FUBP1: variants seen among roughly 807,000 people sequenced by gnomAD.
FUBP1 encodes the protein far upstream element-binding protein 1.
Under a neutral mutation model 94.9 loss-of-function variants are expected in FUBP1, and 16 were observed. That is an observed-to-expected ratio of 0.17 (90% CI 0.11 to 0.26). FUBP1 has a LOEUF of 0.26. Ranked by LOEUF, FUBP1 falls within the 10% of genes least tolerant of loss-of-function variation. The probability of loss-of-function intolerance (pLI) is 1.00; values close to 1 mark genes in which losing one functional copy is unlikely to be tolerated. For synonymous variants in FUBP1, 279 were observed against 254.9 expected, an observed-to-expected ratio of 1.09 and a Z score of -0.90; for missense variants, 583 against 808.6, an observed-to-expected ratio of 0.72 and a Z score of 3.38.
chr1:77,963,508 C>T, intron 13 of FUBP1, 66 bp downstream of exon 13: 1 of 899,904 alleles, frequency 1.1e-6, no homozygotes, highest in Non-Finnish European at 1.7e-6. Context: ...TTGTTTACGA[C>T]AGCAACAGAA....
chr1:77,947,955 A>T lies in FUBP1; in HGVS notation c.*811T>A. ...CACATGGAAAAAAACTGTTCTTATT[A>T]GACTACTCATATTCACTATCTGAAA... On this transcript the variant is annotated 3_prime_UTR_variant, in exon 20 of 20. Transcript: ENST00000370768. 9.9e-7 allele frequency: 1 copy of T among 1,009,444 alleles called. No individual in the cohort carries two copies. Among genetic ancestry groups the T allele is most frequent in the Non-Finnish European group, 1.2e-6 (1 of 825,488 alleles). The allele number at this position is 1,009,444 out of a possible 1,614,324, so 62.5% of individuals were successfully genotyped here. A position where few individuals can be genotyped will look rare whatever the true frequency, so the allele number is the denominator to read the frequency against.
intron 16 of FUBP1, among the ~76,000 whole-genome samples, chr1:77,957,565 T>C (rs1654696389): frequency 6.6e-6 from 1 of 152,240 alleles, no homozygotes; most frequent in South Asian, 2.1e-4. Context: ...GATTGTCTTT[T>C]ATACTAGGAA....
At chr1:77,971,692 G>C (rs1160959487) in intron 1 of FUBP1, among the ~76,000 whole-genome samples, 1 of 149,408 alleles carries the variant, frequency 6.7e-6, no homozygotes, top group East Asian at 1.9e-4. Context: ...TCAAGTACTA[G>C]ATTGCTTGAT....
intron 1 of FUBP1, among the ~76,000 whole-genome samples, chr1:77,974,645 A>C (rs1013354070): frequency 6.6e-6 from 1 of 152,152 alleles, no homozygotes; most frequent in African/African-American, 2.4e-5. Context: ...GTCTTGCACT[A>C]ATTTATTATT....
chr1:77,960,074 A>G (rs1457203927), intron 16 of FUBP1, 110 bp downstream of exon 16: 2 of 760,122 alleles, frequency 2.6e-6, no homozygotes, highest in African/African-American at 3.5e-5. Flanking sequence ...TGAAAGAGTA[A>G]AGTGAGTGAA....
At chr1:77,966,009 T>A (rs1445126608) in intron 7 of FUBP1, among the ~76,000 whole-genome samples, 2 of 152,122 alleles carry the variant, frequency 1.3e-5, no homozygotes, top group African/African-American at 4.8e-5. Flanking sequence ...GAGCGAGACT[T>A]CGTCTCAAAA....
chr1:77,956,556 T>G lies in FUBP1; in HGVS notation c.1705+16A>C. On this transcript the variant is annotated intron_variant, in intron 17 of 19. Transcript: ENST00000370768. ...CACAACTTTTGGCTTTCACATACAATAAGTTCTGTAGTTACCTTGTCCATT... is the reference window on the plus strand; with the variant it reads ...CACAACTTTTGGCTTTCACATACAAGAAGTTCTGTAGTTACCTTGTCCATT... The G allele has an allele frequency of 6.2e-7, 1 of 1,602,432 alleles. No individual in the cohort carries two copies. Among genetic ancestry groups the G allele is most frequent in the Non-Finnish European group, 8.5e-7 (1 of 1,171,170 alleles).
At chr1:77,973,917 AT>A (rs908748755) in intron 1 of FUBP1, among the ~76,000 whole-genome samples, 2 of 151,838 alleles carry the variant, frequency 1.3e-5, no homozygotes, top group Admixed American at 1.3e-4. Context: ...GTTCTATTTT[AT>A]TTTTTTAATT....
intron 1 of FUBP1, among the ~76,000 whole-genome samples, chr1:77,972,986 C>T (rs951046365): frequency 1.2e-4 from 17 of 146,924 alleles, no homozygotes; most frequent in African/African-American, 4.0e-4. Context: ...AGGAGTTCAA[C>T]GCTAATACAG....
At chr1:77,952,016 C>G (rs940154932) in intron 18 of FUBP1, among the ~76,000 whole-genome samples, 1 of 152,046 alleles carries the variant, frequency 6.6e-6, no homozygotes, top group African/African-American at 2.4e-5. Flanking sequence ...ATTTTGAAAC[C>G]CTGTTTGTTC....
At chr1:77,949,479 G>GT (rs554070596) in intron 18 of FUBP1, among the ~76,000 whole-genome samples, 179 bp from the exon 19 acceptor site, 2 of 150,532 alleles carry the variant, frequency 1.3e-5, no homozygotes, top group South Asian at 2.1e-4. Flanking sequence ...TACATCCACT[G>GT]TAAGTACAGG....
intron 8 of FUBP1, 39 bp from the exon 9 acceptor site, chr1:77,965,007 A>G (rs113323617): frequency 1.9e-6 from 3 of 1,590,736 alleles, no homozygotes; most frequent in Non-Finnish European, 1.7e-6. Flanking sequence ...TAACAAAAGG[A>G]AGTGGACAAA....
rs951704577 is a variant in FUBP1 at position 77,947,052 on chromosome 1, G to T, written c.*1714C>A. 35 of 208,758 alleles carry T rather than the reference G, an allele frequency of 1.7e-4. No homozygotes were observed. The highest frequency in any genetic ancestry group is 9.3e-4 in the Admixed American group (16 of 17,172). The allele number at this position is 208,758 out of a possible 1,614,324, so 12.9% of individuals were successfully genotyped here. ...ATGACAAAATATATATTTATGAAAT[G>T]TGTTAAAATTGCTACATTGCTCATT... On this transcript the variant is annotated 3_prime_UTR_variant, in exon 20 of 20. Coordinates refer to ENST00000370768, the MANE Select transcript of FUBP1 (RefSeq NM_003902.5).
rs1271748335 is a variant in FUBP1, at chr1:77,967,113, CAGAA to C, written c.291-16_291-13del. 2 of 1,510,938 alleles carry C rather than the reference CAGAA, an allele frequency of 1.3e-6. No individual in the cohort carries two copies. Among genetic ancestry groups the C allele is most frequent in the East Asian group, 4.5e-5 (2 of 44,152 alleles). 93.6% of individuals were successfully genotyped at this position (1,510,938 alleles called of 1,614,324 possible). On this transcript the variant is annotated splice_polypyrimidine_tract_variant and intron_variant, in intron 4 of 19. Coordinates refer to ENST00000370768, the MANE Select transcript of FUBP1 (RefSeq NM_003902.5). Reference sequence around the variant, plus strand: ...TCATTACAGATCTGCTAAGAAATAACAGAAAGCACCATTTTCCTTCAATGAAAGA... The same window carrying C: ...TCATTACAGATCTGCTAAGAAATAACAGCACCATTTTCCTTCAATGAAAGA...
At chr1:77,965,004 A>G (rs199580605) in intron 8 of FUBP1, 36 bp from the exon 9 acceptor site, 1 of 1,592,526 alleles carries the variant, frequency 6.3e-7, no homozygotes, top group African/African-American at 1.3e-5. Context: ...TATTAACAAA[A>G]GGAAGTGGAC....
chr1:77,967,859 CATTAT>C (rs1310768904), intron 3 of FUBP1, among the ~76,000 whole-genome samples, 193 bp from the exon 4 acceptor site: 1 of 152,086 alleles, frequency 6.6e-6, no homozygotes, highest in Non-Finnish European at 1.5e-5. Context: ...AAAGGGAAGA[CATTAT>C]ATTAGCAATG....
At position 77,978,804 on chromosome 1, in the gene FUBP1, T is replaced by C. The variant is rs1038308759; in HGVS notation, c.120+81A>G. ...AAGAACACCTCTTTCCTCTTCCTCA[T>C]GCGCTTAAGGGTAGCGGCCTACTCA... is the stretch of plus-strand genomic sequence containing the variant. On this transcript the variant is annotated intron_variant, in intron 1 of 19. Coordinates refer to ENST00000370768, the MANE Select transcript of FUBP1 (RefSeq NM_003902.5). 27 of 1,539,174 alleles carry C rather than the reference T, an allele frequency of 1.8e-5. No individual in the cohort carries two copies. In the African/African-American group the frequency reaches 3.0e-4, roughly 17 times the overall value.
At position 77,974,026 on chromosome 1, in the gene FUBP1, T is replaced by C. The variant is rs1188460343; in HGVS notation, c.121-4011A>G. Among the ~76,000 whole-genome samples the C allele has an allele frequency of 3.3e-5, 5 of 152,206 alleles. No individual in the cohort carries two copies. In the South Asian group the frequency reaches 6.2e-4, roughly 19 times the overall value. On this transcript the variant is annotated intron_variant, in intron 1 of 19. Coordinates refer to ENST00000370768, the MANE Select transcript of FUBP1 (RefSeq NM_003902.5). Reference sequence around the variant, plus strand: ...ATGCAACTACATAAAGGACCCAACATTGTCAACATTCTAGACTTGACCTCC... The same window carrying C: ...ATGCAACTACATAAAGGACCCAACACTGTCAACATTCTAGACTTGACCTCC...
intron 1 of FUBP1, among the ~76,000 whole-genome samples, chr1:77,978,469 T>A (rs1474485713): frequency 2.0e-5 from 3 of 152,140 alleles, no homozygotes; most frequent in Non-Finnish European, 4.4e-5. Flanking sequence ...AAGGCTACTT[T>A]AATGATAAAT....
Sources: gnomAD v4.1 joint callset for allele counts (sites outside exome capture counted in the v4.1 genomes callset) on GRCh38, gnomAD v4.1.1 for gene constraint, MANE v1.5 for transcripts, NCBI Gene and HGNC (gene_info 2026-07-23, HGNC 2026-07-21) for gene names.